The following NTRK3 variants were observed in gnomAD, a reference collection of about 807,000 sequenced individuals.
The protein encoded by NTRK3 is neurotrophic receptor tyrosine kinase 3.
Under a neutral mutation model 91.7 loss-of-function variants are expected in NTRK3, and 24 were observed. That is an observed-to-expected ratio of 0.26 (90% CI 0.19 to 0.37). The LOEUF (loss-of-function observed/expected upper bound fraction) is 0.37, where lower values mean the gene tolerates loss of function less well. NTRK3 is among the 10% of genes least tolerant of loss of function. NTRK3 has a pLI of 1.00. For synonymous variants in NTRK3, 483 were observed against 404.0 expected (o/e 1.20, Z -2.34); for missense variants, 880 against 1,068.9 (o/e 0.82, Z 2.46).
chr15:88,252,447 G>C (rs915346660), intron 3 of NTRK3: 2 of 152,186 alleles, frequency 1.3e-5, no homozygotes, highest in Admixed American at 6.5e-5. Context: ...CTCAGAGTGA[G>C]ACCCAGCTGG....
At chr15:88,046,311 T>C (rs1157581492) in intron 13 of NTRK3, among the ~76,000 whole-genome samples, 2 of 152,180 alleles carry the variant, frequency 1.3e-5, no homozygotes, top group Non-Finnish European at 2.9e-5. Context: ...TTCCTGCCCA[T>C]GTGCTCACCA....
At chr15:87,900,818 T>C (rs938555956) in intron 17 of NTRK3, among the ~76,000 whole-genome samples, 1 of 151,862 alleles carries the variant, frequency 6.6e-6, no homozygotes, top group African/African-American at 2.4e-5. Context: ...GGCTCACCCC[T>C]GGCCTTCTGT....
At chr15:88,017,389 A>C (rs902880280) in intron 14 of NTRK3, among the ~76,000 whole-genome samples, 9 of 152,348 alleles carry the variant, frequency 5.9e-5, no homozygotes, top group African/African-American at 2.2e-4. Flanking sequence ...CTGATTAGCT[A>C]AGCATCCATG....
chr15:87,973,093 T>C (rs1046383647), intron 14 of NTRK3, among the ~76,000 whole-genome samples: 1 of 152,134 alleles, frequency 6.6e-6, no homozygotes, highest in Non-Finnish European at 1.5e-5. Context: ...GAGCAATGCA[T>C]TCACACCCAC....
intron 10 of NTRK3, among the ~76,000 whole-genome samples, chr15:88,129,467 G>A (rs2151138031): frequency 6.6e-6 from 1 of 152,306 alleles, no homozygotes; most frequent in Middle Eastern, 3.4e-3. Flanking sequence ...CATTTAAGAA[G>A]AAATTAGAGC....
intron 10 of NTRK3, among the ~76,000 whole-genome samples, chr15:88,134,738 A>C (rs2041708395): frequency 6.6e-6 from 1 of 152,228 alleles, no homozygotes; most frequent in Admixed American, 6.5e-5. Flanking sequence ...ATTTCATAGA[A>C]AAGGAAATTG....
At chr15:87,981,589 G>A (rs551646010) in intron 14 of NTRK3, among the ~76,000 whole-genome samples, 2 of 152,300 alleles carry the variant, frequency 1.3e-5, no homozygotes, top group African/African-American at 4.8e-5. Flanking sequence ...ACAAGTTAGA[G>A]TCAGAGAAGA....
At chr15:88,148,981 A>C (rs1429187942) in intron 5 of NTRK3, among the ~76,000 whole-genome samples, 1 of 152,212 alleles carries the variant, frequency 6.6e-6, no homozygotes, top group African/African-American at 2.4e-5. Flanking sequence ...AAAGGATCAC[A>C]TGGAGGCGAT....
chr15:88,020,782 T>C (rs751082042), intron 14 of NTRK3, among the ~76,000 whole-genome samples: 16 of 152,152 alleles, frequency 1.1e-4, no homozygotes, highest in Admixed American at 6.5e-5. Context: ...TCATGTCACT[T>C]TTGTTTCTAA....
At chr15:88,008,946 A>C (rs1418894065) in intron 14 of NTRK3, among the ~76,000 whole-genome samples, 1 of 152,220 alleles carries the variant, frequency 6.6e-6, no homozygotes, top group African/African-American at 2.4e-5. Flanking sequence ...GGCCTAGAGA[A>C]GAAAAAAATT....
At chr15:87,981,313 T>C in intron 14 of NTRK3, 1 of 1,599,700 alleles carries the variant, frequency 6.3e-7, no homozygotes. Flanking sequence ...TGATCTCTAT[T>C]GTCCTTCAAG....
rs537322407 is a variant in NTRK3, at chr15:87,902,370, G to A, written c.2134-21942C>T. ...CAAGCCTTCACTACTGAACATCTAG[G>A]TCCCAGATAATGTGTTCAACTGTGG... On this transcript the variant is annotated intron_variant, in intron 17 of 18. Coordinates refer to ENST00000394480, the Ensembl canonical transcript of NTRK3. Among the ~76,000 whole-genome samples the A allele has an allele frequency of 8.7e-4, 133 of 152,270 alleles. 1 individual carries two copies. Among genetic ancestry groups the A allele is most frequent in the Non-Finnish European group, 1.1e-3 (74 of 68,020 alleles).
At chr15:88,245,697 T>TAC (rs34043028) in intron 3 of NTRK3, among the ~76,000 whole-genome samples, 5,112 of 151,188 alleles carry the variant, frequency 0.034, 268 homozygotes, top group African/African-American at 0.11. Flanking sequence ...AAAATAGTTT[T>TAC]ACACACACAC....
rs191919882 is a variant in NTRK3, at chr15:88,187,677, T to C, written c.249-3378A>G. ...CATTTGAAAATCAATCAATACTGCCTGCAAAACAGACTTTGCGAGGCTGAG... is the reference window on the plus strand; with the variant it reads ...CATTTGAAAATCAATCAATACTGCCCGCAAAACAGACTTTGCGAGGCTGAG... On this transcript the variant is annotated intron_variant, in intron 3 of 18. Coordinates refer to ENST00000394480, the Ensembl canonical transcript of NTRK3. Among the ~76,000 whole-genome samples, 50 of 152,286 alleles carry C rather than the reference T, an allele frequency of 3.3e-4. No individual in the cohort carries two copies. The East Asian group carries it at 5.8e-3, about 18-fold the overall frequency.
At chr15:87,905,233 C>A (rs760372026) in intron 17 of NTRK3, among the ~76,000 whole-genome samples, 9 of 152,154 alleles carry the variant, frequency 5.9e-5, no homozygotes, top group Non-Finnish European at 1.2e-4. Flanking sequence ...CATAGAGACC[C>A]TGGGATAAAT....
intron 17 of NTRK3, among the ~76,000 whole-genome samples, chr15:87,923,095 C>T (rs1596267367): frequency 6.6e-6 from 1 of 152,144 alleles, no homozygotes. Flanking sequence ...GCCTATCTTT[C>T]CTGATAAATC....
intron 13 of NTRK3, among the ~76,000 whole-genome samples, chr15:88,037,231 A>G (rs1336832808): frequency 6.6e-6 from 1 of 152,180 alleles, no homozygotes; most frequent in African/African-American, 2.4e-5. Flanking sequence ...ACTGCCAGAG[A>G]TGTGAAAGGA....
chr15:88,026,222 G>A (rs946172096), intron 14 of NTRK3, among the ~76,000 whole-genome samples: 1 of 152,188 alleles, frequency 6.6e-6, no homozygotes, highest in South Asian at 2.1e-4. Flanking sequence ...AGTGAGCCAA[G>A]AATGCGCCAC....
At chr15:88,055,653 A>G (rs1218588436) in intron 13 of NTRK3, among the ~76,000 whole-genome samples, 2 of 152,126 alleles carry the variant, frequency 1.3e-5, no homozygotes, top group Admixed American at 6.5e-5. Flanking sequence ...CGGTGATGAA[A>G]CTAAGACCCA....
Sources: allele counts gnomAD v4.1 joint callset (sites outside exome capture counted in the v4.1 genomes callset), GRCh38; gene constraint gnomAD v4.1.1; transcripts MANE v1.5; gene names NCBI Gene and HGNC (gene_info 2026-07-23, HGNC 2026-07-21).